NEGR1: variants seen among roughly 807,000 people sequenced by gnomAD.
The protein encoded by NEGR1 is neuronal growth regulator 1.
NEGR1 carries 10 observed loss-of-function variants against 40.9 expected under a neutral mutation model. The ratio of observed to expected loss-of-function variants is 0.24; its 90% CI spans 0.15 to 0.42. The LOEUF is 0.42. Among genes scored for constraint, NEGR1 ranks in the 10% least tolerant of loss-of-function variants. The pLI is 1.00. For missense variants in NEGR1, 352 were observed against 438.9 expected, an observed-to-expected ratio of 0.80 and a Z score of 1.77; for synonymous variants, 185 against 166.8, an observed-to-expected ratio of 1.11 and a Z score of -0.84.
chr1:71,905,253 A>T (rs192420408), intron 2 of NEGR1, among the ~76,000 whole-genome samples: 66 of 152,190 alleles, frequency 4.3e-4, no homozygotes, highest in Admixed American at 1.4e-3. Flanking sequence ...GCATAGAAAT[A>T]TTTTATTAGT....
intron 2 of NEGR1, among the ~76,000 whole-genome samples, chr1:71,917,339 T>A (rs1661612118): frequency 6.6e-6 from 1 of 152,190 alleles, no homozygotes; most frequent in Non-Finnish European, 1.5e-5. Context: ...CAAATTTGTG[T>A]CTGAAATATA....
In NEGR1 at chr1:71,859,964, AC is replaced by A. The variant is rs1659895512; in HGVS notation, c.409+75114del. 2.0e-5 allele frequency among the ~76,000 whole-genome samples: 3 copies of A among 152,050 alleles called. No individual in the cohort carries two copies. The South Asian group carries it at 6.2e-4, about 31-fold the overall frequency. ...ACTTCTCTTGGAGAACAACCCAAGG[AC>A]CATCTGCCATACTCACAATGATTAA... is the stretch of plus-strand genomic sequence containing the variant. On this transcript the variant is annotated intron_variant, in intron 2 of 6. Coordinates refer to ENST00000357731, the MANE Select transcript of NEGR1 (RefSeq NM_173808.3).
intron 4 of NEGR1, among the ~76,000 whole-genome samples, chr1:71,692,788 A>G (rs1653335907): frequency 4.0e-5 from 6 of 151,866 alleles, no homozygotes; most frequent in Admixed American, 3.3e-4. Context: ...ATGCAAAATA[A>G]TGCACAAATA....
intron 6 of NEGR1, among the ~76,000 whole-genome samples, chr1:71,433,105 T>A (rs1427072368): frequency 6.6e-6 from 1 of 152,186 alleles, no homozygotes; most frequent in African/African-American, 2.4e-5. Context: ...GCAGGTGTGT[T>A]CCCTTTTGCC....
At chr1:71,601,519 A>T (rs11209801) in intron 5 of NEGR1, among the ~76,000 whole-genome samples, 1 of 152,134 alleles carries the variant, frequency 6.6e-6, no homozygotes, top group African/African-American at 2.4e-5. Context: ...TATGTTTATC[A>T]TAGCAGTATT....
intron 3 of NEGR1, among the ~76,000 whole-genome samples, chr1:71,745,573 T>A (rs186789768): frequency 3.3e-5 from 5 of 152,266 alleles, no homozygotes; most frequent in African/African-American, 1.2e-4. Flanking sequence ...ACTGATTCAG[T>A]GGCTTATGAG....
intron 6 of NEGR1, among the ~76,000 whole-genome samples, chr1:71,506,395 C>T (rs1647035080): frequency 6.6e-6 from 1 of 152,134 alleles, no homozygotes; most frequent in East Asian, 1.9e-4. Context: ...GCTTCTCCAT[C>T]CTGTCTCTTG....
chr1:71,941,616 C>T (rs1645960368), intron 1 of NEGR1, among the ~76,000 whole-genome samples: 1 of 151,976 alleles, frequency 6.6e-6, no homozygotes, highest in Non-Finnish European at 1.5e-5. Context: ...CAGTGAACTT[C>T]AATTATTTAA....
chr1:72,255,963 T>C (rs1449512521), intron 1 of NEGR1, among the ~76,000 whole-genome samples: 2 of 152,226 alleles, frequency 1.3e-5, no homozygotes, highest in Non-Finnish European at 2.9e-5. Context: ...TAGAAGTTTG[T>C]ATGTCATGTT....
At chr1:71,882,953 T>G (rs1660622036) in intron 2 of NEGR1, among the ~76,000 whole-genome samples, 1 of 152,116 alleles carries the variant, frequency 6.6e-6, no homozygotes, top group Admixed American at 6.6e-5. Flanking sequence ...ATACCTGGCA[T>G]GGGGTAGGTA....
intron 6 of NEGR1, among the ~76,000 whole-genome samples, chr1:71,441,610 G>T (rs1484276853): frequency 6.6e-6 from 1 of 152,060 alleles, no homozygotes; most frequent in Non-Finnish European, 1.5e-5. Flanking sequence ...CATCATCAAG[G>T]GTTTTTAAAA....
intron 2 of NEGR1, among the ~76,000 whole-genome samples, chr1:71,861,164 T>C (rs1659934959): frequency 6.6e-6 from 1 of 152,028 alleles, no homozygotes; most frequent in Non-Finnish European, 1.5e-5. Flanking sequence ...TTGCATCACA[T>C]CTAATAACTG....
intron 1 of NEGR1, among the ~76,000 whole-genome samples, chr1:72,249,876 T>C (rs970679209): frequency 1.3e-5 from 2 of 152,100 alleles, no homozygotes; most frequent in African/African-American, 4.8e-5. Context: ...ACATGACTCA[T>C]TTTTGTTACA....
intron 1 of NEGR1, among the ~76,000 whole-genome samples, chr1:72,099,558 G>A (rs1648848694): frequency 6.6e-6 from 1 of 151,798 alleles, no homozygotes; most frequent in Non-Finnish European, 1.5e-5. Flanking sequence ...TTCTTCTTTA[G>A]TAGTACAGAG....
chr1:71,658,060 T>C (rs1193715352), intron 4 of NEGR1, among the ~76,000 whole-genome samples: 1 of 152,186 alleles, frequency 6.6e-6, no homozygotes, highest in Admixed American at 6.5e-5. Flanking sequence ...CCTGCACAGC[T>C]CCAGCCAAAC....
intron 6 of NEGR1, chr1:71,490,005 C>G (rs1046672147): frequency 2.0e-5 from 3 of 151,906 alleles, no homozygotes; most frequent in Admixed American, 1.3e-4. Flanking sequence ...TTACTTAGTG[C>G]TAATCTATAT....
intron 3 of NEGR1, among the ~76,000 whole-genome samples, chr1:71,745,563 A>G (rs949472061): frequency 3.9e-5 from 6 of 152,130 alleles, no homozygotes; most frequent in African/African-American, 1.4e-4. Context: ...AGACTGAGAG[A>G]CTGATTCAGT....
At chr1:71,577,452 T>C (rs576860675) in intron 6 of NEGR1, among the ~76,000 whole-genome samples, 1 of 152,122 alleles carries the variant, frequency 6.6e-6, no homozygotes, top group African/African-American at 2.4e-5. Flanking sequence ...CACTCTGAAG[T>C]GAGAAATATA....
intron 1 of NEGR1, among the ~76,000 whole-genome samples, chr1:72,047,868 A>C (rs1228578829): frequency 2.6e-5 from 4 of 151,554 alleles, no homozygotes; most frequent in Non-Finnish European, 5.9e-5. Context: ...GTCTTTCCTC[A>C]AGCAGATGAA....
Sources: allele counts gnomAD v4.1 joint callset (sites outside exome capture counted in the v4.1 genomes callset), GRCh38; gene constraint gnomAD v4.1.1; transcripts MANE v1.5; gene names NCBI Gene and HGNC (gene_info 2026-07-23, HGNC 2026-07-21).